Variants in GRID1 observed in about 807,000 individuals in gnomAD.
The protein encoded by GRID1 is glutamate receptor ionotropic, delta-1.
A neutral mutation model predicts 98.0 loss-of-function variants in GRID1; 28 were observed. That is an observed-to-expected ratio of 0.29 (90% confidence interval 0.21 to 0.39). GRID1 has a LOEUF of 0.39. GRID1 is among the 10% of genes least tolerant of loss of function. The pLI is 1.00. For synonymous variants in GRID1, 553 were observed against 538.5 expected, an observed-to-expected ratio of 1.03 and a Z score of -0.37; for missense variants, 1,111 against 1,340.5, an observed-to-expected ratio of 0.83 and a Z score of 2.67.
intron 3 of GRID1, among the ~76,000 whole-genome samples, chr10:86,159,580 C>T (rs1479699450): frequency 6.6e-6 from 1 of 152,168 alleles, no homozygotes; most frequent in Non-Finnish European, 1.5e-5. Flanking sequence ...ACAATGAGCC[C>T]ACCTAAGATG....
At position 85,601,826 on chromosome 10, in the gene GRID1, A is replaced by G. The variant is rs1025414514; in HGVS notation, c.*447T>C. ...GAGGGACTAAAAGGGACGAGGTGCC[A>G]GGAGCAAAGAAATGGGGCAGCAAGC... On this transcript the variant is annotated 3_prime_UTR_variant, in exon 16 of 16. Coordinates refer to ENST00000327946, the MANE Select transcript of GRID1 (RefSeq NM_017551.3). 5 of 159,984 alleles carry G rather than the reference A, an allele frequency of 3.1e-5. No individual in the cohort carries two copies. The highest frequency in any genetic ancestry group is 5.5e-5 in the Non-Finnish European group (4 of 73,170). 9.9% of individuals were successfully genotyped at this position (159,984 alleles called of 1,614,324 possible).
At position 85,940,066 on chromosome 10, in the gene GRID1, CAAAAAAAAAAAA is replaced by C. The variant is rs34122685; in HGVS notation, c.727-23839_727-23828del. Among the ~76,000 whole-genome samples the C allele has an allele frequency of 6.4e-4, 64 of 99,394 alleles. No homozygotes were observed. The East Asian group carries it at 0.014, about 22-fold the overall frequency. 65.2% of individuals were successfully genotyped at this position (99,394 alleles called of 152,430 possible). On this transcript the variant is annotated intron_variant, in intron 4 of 15. Transcript: ENST00000327946. ...TGGGCGACACAGTGAGACTCCCTCT[CAAAAAAAAAAAA>C]AAAAAAAAAAGAGAGAGAGAGAGAC... is the stretch of plus-strand genomic sequence containing the variant.
chr10:86,065,578 G>A (rs758014450), intron 4 of GRID1, among the ~76,000 whole-genome samples: 4 of 152,246 alleles, frequency 2.6e-5, no homozygotes, highest in Non-Finnish European at 4.4e-5. Flanking sequence ...ATCTTTTGGG[G>A]CAGGAGCTAT....
chr10:85,822,569 AAC>A (rs1842782625), intron 8 of GRID1, among the ~76,000 whole-genome samples: 2 of 152,178 alleles, frequency 1.3e-5, no homozygotes, highest in Admixed American at 1.3e-4. Flanking sequence ...GAGAAATAGG[AAC>A]ACTTTTACAC....
intron 12 of GRID1, among the ~76,000 whole-genome samples, chr10:85,701,812 C>A (rs1032558085): frequency 4.6e-5 from 7 of 151,930 alleles, no homozygotes; most frequent in Non-Finnish European, 2.9e-5. Context: ...TACAATGGAC[C>A]AGGGGACTTG....
rs774724983 is a variant in GRID1 at position 85,613,587 on chromosome 10, G to A, written c.2421C>T (p.His807=). Residue 807 remains histidine (H), a synonymous_variant, in exon 15 of 16, where the codon CAC becomes CAT. Transcript: ENST00000327946. ...LDVLKQKWWP[H]MGRCDLTSHA... ...GGCTGGTGAGGTCACAGCGGCCCAT[G>A]TGCGGCCACCACTTCTGCTTCAGCA... 1.2e-5 allele frequency: 19 copies of A among 1,614,150 alleles called. No homozygotes were observed. In the East Asian group the frequency reaches 3.8e-4, roughly 32 times the overall value.
chr10:86,229,045 G>A (rs1371434526), intron 2 of GRID1, among the ~76,000 whole-genome samples: 1 of 152,166 alleles, frequency 6.6e-6, no homozygotes, highest in Admixed American at 6.5e-5. Context: ...CCAGAGTGGG[G>A]CTCCGTGCCC....
chr10:85,979,271 A>G (rs965391266), intron 4 of GRID1, among the ~76,000 whole-genome samples: 1 of 151,980 alleles, frequency 6.6e-6, no homozygotes, highest in Non-Finnish European at 1.5e-5. Context: ...GTGCATCTCC[A>G]CCAGTGGGAC....
intron 4 of GRID1, among the ~76,000 whole-genome samples, chr10:85,975,289 GA>G (rs1023691935): frequency 6.6e-6 from 1 of 152,162 alleles, no homozygotes; most frequent in Non-Finnish European, 1.5e-5. Context: ...GGGACTTTTT[GA>G]AATCCTCCTT....
At chr10:86,335,917 G>A (rs1848215206) in intron 2 of GRID1, among the ~76,000 whole-genome samples, 1 of 152,242 alleles carries the variant, frequency 6.6e-6, no homozygotes, top group Admixed American at 6.5e-5. Flanking sequence ...GGGTATGCAG[G>A]AACCTGGCCT....
chr10:85,997,380 C>T (rs1842751631), intron 4 of GRID1, among the ~76,000 whole-genome samples: 2 of 148,248 alleles, frequency 1.3e-5, no homozygotes, highest in Admixed American at 6.7e-5. Flanking sequence ...GCCTGGGCAA[C>T]AGAGCGAGAC....
intron 12 of GRID1, among the ~76,000 whole-genome samples, chr10:85,651,966 A>C (rs1015500785): frequency 1.3e-5 from 2 of 152,218 alleles, no homozygotes; most frequent in Admixed American, 6.5e-5. Flanking sequence ...GACCAATGCA[A>C]GCTGTTTCTC....
intron 6 of GRID1, among the ~76,000 whole-genome samples, chr10:85,863,452 T>C (rs1843185317): frequency 6.6e-6 from 1 of 152,080 alleles, no homozygotes; most frequent in Non-Finnish European, 1.5e-5. Context: ...CAGACCATAG[T>C]GGATGTCTTG....
intron 4 of GRID1, among the ~76,000 whole-genome samples, chr10:85,951,327 C>A (rs1306614568): frequency 6.6e-6 from 1 of 152,174 alleles, no homozygotes; most frequent in East Asian, 1.9e-4. Flanking sequence ...ACAAGCAGCA[C>A]CAGTGTGCAG....
intron 8 of GRID1, among the ~76,000 whole-genome samples, chr10:85,846,643 ACTG>A (rs1360387495): frequency 1.3e-5 from 2 of 152,226 alleles, no homozygotes; most frequent in Non-Finnish European, 2.9e-5. Flanking sequence ...AATAGAAAAA[ACTG>A]CTGTCAAGTC....
At chr10:85,850,906 A>G (rs987283599) in intron 8 of GRID1, among the ~76,000 whole-genome samples, 1 of 152,230 alleles carries the variant, frequency 6.6e-6, no homozygotes, top group African/African-American at 2.4e-5. Flanking sequence ...CAGGTCAATG[A>G]GACAACATAC....
chr10:85,750,515 T>C (rs1175006710), intron 8 of GRID1, among the ~76,000 whole-genome samples: 2 of 152,234 alleles, frequency 1.3e-5, no homozygotes, highest in African/African-American at 2.4e-5. Context: ...CATGGAAATA[T>C]GTCCAATCTA....
intron 4 of GRID1, among the ~76,000 whole-genome samples, chr10:86,135,550 G>T (rs1277369268): frequency 6.6e-6 from 1 of 151,822 alleles, no homozygotes; most frequent in African/African-American, 2.4e-5. Flanking sequence ...TGCTGAGGAG[G>T]CCTCAGAGGA....
At chr10:86,130,918 T>C (rs1403126573) in intron 4 of GRID1, among the ~76,000 whole-genome samples, 7 of 152,268 alleles carry the variant, frequency 4.6e-5, no homozygotes, top group Non-Finnish European at 1.0e-4. Flanking sequence ...CCCCAGTTCC[T>C]GCACCTGCCC....
Sources: gnomAD v4.1 joint callset for allele counts (sites outside exome capture counted in the v4.1 genomes callset) on GRCh38, gnomAD v4.1.1 for gene constraint, MANE v1.5 for transcripts, NCBI Gene and HGNC (gene_info 2026-07-23, HGNC 2026-07-21) for gene names.